The following SLC68A1 variants were observed in gnomAD, a reference collection of about 807,000 sequenced individuals.
SLC68A1 encodes the protein major facilitator superfamily domain containing 13A.
the SLC68A1 span, chr10:102,476,169 G>T: frequency 9.3e-7 from 1 of 1,073,582 alleles, no homozygotes; most frequent in Non-Finnish European, 1.2e-6. Flanking sequence ...CCAGGTTCAA[G>T]CAATTATCCT....
At chr10:102,462,879 G>A in the SLC68A1 span, among the ~76,000 whole-genome samples, 1 of 152,098 alleles carries the variant, frequency 6.6e-6, no homozygotes, top group Non-Finnish European at 1.5e-5. Context: ...ATTCTTCTTT[G>A]TACCTGCTGC....
At chr10:102,475,965 T>A in the SLC68A1 span, 1 of 1,609,066 alleles carries the variant, frequency 6.2e-7, no homozygotes, top group Non-Finnish European at 8.5e-7. Context: ...GCCCAAACCC[T>A]GGATGTTAAG....
the SLC68A1 span, among the ~76,000 whole-genome samples, chr10:102,461,665 A>G: frequency 1.2e-4 from 18 of 151,988 alleles, no homozygotes; most frequent in Admixed American, 1.0e-3. Context: ...CAAGGGTGGA[A>G]TCCTCGCAGA....
At chr10:102,467,527 A>T in the SLC68A1 span, among the ~76,000 whole-genome samples, 3 of 152,184 alleles carry the variant, frequency 2.0e-5, no homozygotes, top group Non-Finnish European at 4.4e-5. Flanking sequence ...AGCTTTGAGG[A>T]AAAAAAGAAA....
chr10:102,470,614 G>T, the SLC68A1 span: 7 of 1,571,756 alleles, frequency 4.5e-6, no homozygotes, highest in Non-Finnish European at 6.0e-6. Context: ...GGGAACTTCA[G>T]CCTGCCAAGT....
At chr10:102,475,418 G>A in the SLC68A1 span, among the ~76,000 whole-genome samples, 1 of 152,328 alleles carries the variant, frequency 6.6e-6, no homozygotes, top group African/African-American at 2.4e-5. Flanking sequence ...GGGCCAGGGT[G>A]GTGGCAGGTG....
the SLC68A1 span, chr10:102,475,985 G>A: frequency 4.4e-6 from 7 of 1,590,206 alleles, no homozygotes; most frequent in East Asian, 1.4e-4. Flanking sequence ...GATGGTGTGA[G>A]AGCTGTGGCA....
chr10:102,470,359 T>G, the SLC68A1 span, among the ~76,000 whole-genome samples: 1 of 152,114 alleles, frequency 6.6e-6, no homozygotes, highest in Non-Finnish European at 1.5e-5. Flanking sequence ...TCTGGAAGAT[T>G]CCTTTGCCCC....
chr10:102,475,509 G>C, the SLC68A1 span, among the ~76,000 whole-genome samples: 3 of 152,098 alleles, frequency 2.0e-5, no homozygotes, highest in Admixed American at 1.3e-4. Context: ...GAACTGAGGA[G>C]GACTTTGAGG....
At chr10:102,472,033 C>G in the SLC68A1 span, 5 of 455,914 alleles carry the variant, frequency 1.1e-5, no homozygotes, top group African/African-American at 1.0e-4. Flanking sequence ...TGCAGTGGCT[C>G]ACGCCTGTAA....
At chr10:102,473,567 C>A in the SLC68A1 span, 6 of 1,594,732 alleles carry the variant, frequency 3.8e-6, no homozygotes, top group Non-Finnish European at 5.1e-6. Context: ...TCTTCCTCCC[C>A]AGGCCTCTCC....
At chr10:102,470,929 C>T in the SLC68A1 span, 19 of 1,613,270 alleles carry the variant, frequency 1.2e-5, no homozygotes, top group East Asian at 3.3e-4. Context: ...TCAGCGCGGC[C>T]GGCTCCCTCT....
At chr10:102,461,913 T>A in the SLC68A1 span, 1 of 152,006 alleles carries the variant, frequency 6.6e-6, no homozygotes, top group Non-Finnish European at 1.5e-5. Flanking sequence ...GCTCCTCAGG[T>A]GATTTTAACG....
the SLC68A1 span, chr10:102,469,246 A>G: frequency 6.3e-7 from 1 of 1,597,758 alleles, no homozygotes; most frequent in Non-Finnish European, 8.6e-7. Context: ...TGGGGTGGAG[A>G]CTAGAGGCTG....
At chr10:102,475,867 T>C in the SLC68A1 span, 1 of 1,613,990 alleles carries the variant, frequency 6.2e-7, no homozygotes, top group East Asian at 2.2e-5. Flanking sequence ...TCACCTGTGC[T>C]CTGCTGCAGC....
chr10:102,462,955 C>A, the SLC68A1 span, among the ~76,000 whole-genome samples: 6 of 152,154 alleles, frequency 3.9e-5, no homozygotes, highest in Non-Finnish European at 5.9e-5. Context: ...TCTCTGACTC[C>A]CACAGTTAAG....
chr10:102,466,878 T>C, the SLC68A1 span, among the ~76,000 whole-genome samples: 3 of 152,232 alleles, frequency 2.0e-5, no homozygotes, highest in Non-Finnish European at 4.4e-5. Flanking sequence ...GAGGCGGACA[T>C]TGTGCTTTAC....
chr10:102,468,872 G>C, the SLC68A1 span: 1 of 613,050 alleles, frequency 1.6e-6, no homozygotes, highest in South Asian at 2.0e-5. Context: ...TGTTGGAAAT[G>C]AGTTTTTAAA....
At chr10:102,465,203 G>A in the SLC68A1 span, among the ~76,000 whole-genome samples, 2 of 150,738 alleles carry the variant, frequency 1.3e-5, no homozygotes, top group African/African-American at 4.9e-5. Context: ...AGGTTGCAGT[G>A]AGCCTAGATT....
Sources: gnomAD v4.1 joint callset for allele counts (sites outside exome capture counted in the v4.1 genomes callset) on GRCh38, gnomAD v4.1.1 for gene constraint, MANE v1.5 for transcripts, NCBI Gene and HGNC (gene_info 2026-07-23, HGNC 2026-07-21) for gene names.